SYCP2L: variants seen among roughly 807,000 people sequenced by gnomAD.
The protein encoded by SYCP2L is synaptonemal complex protein 2 like.
SYCP2L carries 98 observed loss-of-function variants against 125.8 expected under a neutral mutation model. The observed-to-expected ratio is 0.78, with a 90% CI of 0.66 to 0.92. SYCP2L has a LOEUF of 0.92. SYCP2L is among the 40% of genes least tolerant of loss of function. The pLI, the probability that SYCP2L is intolerant of heterozygous loss-of-function variation, is 0.00. For missense variants in SYCP2L, 842 were observed against 936.4 expected (o/e 0.90, Z 1.32); for synonymous variants, 317 against 325.4 (o/e 0.97, Z 0.28).
At chr6:10,915,297 T>G (rs932330718) in intron 14 of SYCP2L, among the ~76,000 whole-genome samples, 13 of 152,210 alleles carry the variant, frequency 8.5e-5, no homozygotes, top group African/African-American at 2.9e-4. Flanking sequence ...CTTTACCAAT[T>G]TGGATGCCCT....
intron 23 of SYCP2L, among the ~76,000 whole-genome samples, chr6:10,946,707 A>G (rs1235816576): frequency 6.6e-6 from 1 of 152,042 alleles, no homozygotes; most frequent in Non-Finnish European, 1.5e-5. Flanking sequence ...TCTACCAGTC[A>G]TTCTTCAAAG....
chr6:10,956,245 A>G lies in SYCP2L; in HGVS notation c.2163+3A>G, dbSNP rs569963890. ...AAAAACGGAAAAGAAAATATGAGGT[A>G]GTAGTCCACAAAACTTAAAAAACTA... is the stretch of plus-strand genomic sequence containing the variant. On this transcript the variant is annotated splice_donor_region_variant and intron_variant, in intron 25 of 29. Transcript: ENST00000283141. 7.5e-6 allele frequency: 12 copies of G among 1,604,950 alleles called. No individual in the cohort carries two copies. The East Asian group carries it at 8.9e-5, about 12-fold the overall frequency.
intron 23 of SYCP2L, among the ~76,000 whole-genome samples, chr6:10,950,757 C>T (rs1478594500): frequency 1.3e-5 from 2 of 152,060 alleles, no homozygotes; most frequent in African/African-American, 4.8e-5. Context: ...ATCTCCCAGG[C>T]TTAAGCAATC....
intron 14 of SYCP2L, 43 bp from the exon 15 acceptor site, chr6:10,924,453 T>A: frequency 7.0e-7 from 1 of 1,432,622 alleles, no homozygotes. Context: ...AATAAAACAT[T>A]GAAGTATGTT....
intron 21 of SYCP2L, among the ~76,000 whole-genome samples, chr6:10,939,415 C>G (rs966368594): frequency 1.3e-5 from 2 of 152,044 alleles, no homozygotes; most frequent in African/African-American, 4.8e-5. Flanking sequence ...CCTAAATAGC[C>G]AAAGCAATCT....
At chr6:10,919,112 G>A (rs1376038546) in intron 14 of SYCP2L, among the ~76,000 whole-genome samples, 4 of 152,064 alleles carry the variant, frequency 2.6e-5, no homozygotes, top group Non-Finnish European at 4.4e-5. Context: ...TCCATTGCTG[G>A]TGAGCTAGTA....
chr6:10,950,912 A>T (rs1198264008), intron 23 of SYCP2L, among the ~76,000 whole-genome samples: 2 of 152,052 alleles, frequency 1.3e-5, no homozygotes, highest in Non-Finnish European at 2.9e-5. Flanking sequence ...CTGTCACCTC[A>T]GCCTCCCAAA....
chr6:10,898,687 G>T (rs1780326004), intron 5 of SYCP2L, 137 bp from the exon 6 acceptor site: 1 of 658,310 alleles, frequency 1.5e-6, no homozygotes, highest in Non-Finnish European at 2.8e-6. Context: ...GGCCCAGATA[G>T]GCTTTCTCTA....
intron 21 of SYCP2L, among the ~76,000 whole-genome samples, chr6:10,941,148 A>C (rs1781211898): frequency 6.6e-6 from 1 of 152,228 alleles, no homozygotes; most frequent in African/African-American, 2.4e-5. Context: ...AACAAACATT[A>C]ATTCAAGATG....
intron 23 of SYCP2L, among the ~76,000 whole-genome samples, chr6:10,944,022 TCTC>T (rs1388682032): frequency 6.6e-6 from 1 of 152,224 alleles, no homozygotes; most frequent in African/African-American, 2.4e-5. Flanking sequence ...TCATGAACTC[TCTC>T]CTGATACACA....
intron 14 of SYCP2L, among the ~76,000 whole-genome samples, chr6:10,914,383 A>T (rs2113326017): frequency 6.6e-6 from 1 of 152,294 alleles, no homozygotes; most frequent in Admixed American, 6.5e-5. Context: ...TTATACCAGT[A>T]CCATGCTGTT....
intron 21 of SYCP2L, among the ~76,000 whole-genome samples, chr6:10,936,973 A>G (rs531879696): frequency 6.6e-6 from 1 of 152,362 alleles, no homozygotes; most frequent in East Asian, 1.9e-4. Context: ...TGAAGAGAGA[A>G]ATAGCAATAC....
intron 23 of SYCP2L, among the ~76,000 whole-genome samples, chr6:10,953,416 A>G (rs1272597500): frequency 3.3e-5 from 5 of 151,930 alleles, no homozygotes; most frequent in African/African-American, 1.2e-4. Context: ...CTTAGTGGCA[A>G]ATTTGTAGCA....
At chr6:10,908,143 C>T (rs577230398) in intron 10 of SYCP2L, among the ~76,000 whole-genome samples, 26 of 152,076 alleles carry the variant, frequency 1.7e-4, no homozygotes, top group Admixed American at 1.2e-3. Flanking sequence ...CCACCTTGGC[C>T]TCCCAAAGTG....
chr6:10,924,678 T>C (rs1780867247), intron 15 of SYCP2L, 37 bp downstream of exon 15: 1 of 1,453,994 alleles, frequency 6.9e-7, no homozygotes, highest in Middle Eastern at 1.8e-4. Flanking sequence ...TTTAAAAATG[T>C]TTTAGTATGT....
At chr6:10,892,575 A>C (rs990917664) in intron 2 of SYCP2L, among the ~76,000 whole-genome samples, 1 of 152,258 alleles carries the variant, frequency 6.6e-6, no homozygotes, top group African/African-American at 2.4e-5. Flanking sequence ...CTGGGATTAC[A>C]GGCGTGAGCC....
intron 14 of SYCP2L, among the ~76,000 whole-genome samples, chr6:10,919,836 AGGTT>A (rs1780761526): frequency 6.6e-6 from 1 of 152,018 alleles, no homozygotes; most frequent in Non-Finnish European, 1.5e-5. Flanking sequence ...TGAGTCATGC[AGGTT>A]GTCAGGGAAA....
At chr6:10,923,128 G>A (rs1463827353) in intron 14 of SYCP2L, among the ~76,000 whole-genome samples, 1 of 152,040 alleles carries the variant, frequency 6.6e-6, no homozygotes, top group Admixed American at 6.6e-5. Context: ...ACTCATGTAT[G>A]TTTCCCTCTT....
chr6:10,932,266 C>T (rs1421832535), intron 20 of SYCP2L, among the ~76,000 whole-genome samples: 7 of 151,968 alleles, frequency 4.6e-5, no homozygotes, highest in Non-Finnish European at 1.5e-5. Flanking sequence ...TTCACTTATC[C>T]TTGTTTTATA....
Sources: allele counts gnomAD v4.1 joint callset (sites outside exome capture counted in the v4.1 genomes callset), GRCh38; gene constraint gnomAD v4.1.1; transcripts MANE v1.5; gene names NCBI Gene and HGNC (gene_info 2026-07-23, HGNC 2026-07-21).